The following FETUB variants were observed in gnomAD, a reference collection of about 807,000 sequenced individuals.
FETUB encodes fetuin B, also known as fetuin-B.
A neutral mutation model predicts 30.9 loss-of-function variants in FETUB; 28 were observed. The ratio of observed to expected loss-of-function variants is 0.90; its 90% confidence interval spans 0.67 to 1.24. The LOEUF (loss-of-function observed/expected upper bound fraction) is 1.24. Among genes scored for constraint, FETUB ranks in the 50% most tolerant of loss-of-function variants. FETUB has a pLI of 0.00. For synonymous variants in FETUB, 186 were observed against 175.9 expected, an observed-to-expected ratio of 1.06 and a Z score of -0.45; for missense variants, 469 against 455.3, an observed-to-expected ratio of 1.03 and a Z score of -0.27.
At chr3:186,643,356 C>T (rs1054793209) in intron 3 of FETUB, among the ~76,000 whole-genome samples, 2 of 152,130 alleles carry the variant, frequency 1.3e-5, no homozygotes, top group Non-Finnish European at 2.9e-5. Context: ...AAGGGAAGGT[C>T]TTTGGAAAGA....
At chr3:186,644,651 T>C in intron 3 of FETUB, 100 bp from the exon 4 acceptor site, 3 of 829,478 alleles carry the variant, frequency 3.6e-6, no homozygotes, top group Non-Finnish European at 5.7e-6. Flanking sequence ...CAGGGGTATA[T>C]TCCAGAGGTA....
At chr3:186,646,621 A>G (rs1271995367) in intron 5 of FETUB, among the ~76,000 whole-genome samples, 1 of 152,184 alleles carries the variant, frequency 6.6e-6, no homozygotes, top group African/African-American at 2.4e-5. Flanking sequence ...ACACAATCCA[A>G]TTACGTTTGT....
intron 4 of FETUB, 85 bp from the exon 5 acceptor site, chr3:186,646,163 C>A: frequency 1.1e-6 from 1 of 876,026 alleles, no homozygotes; most frequent in Non-Finnish European, 1.9e-6. Context: ...CATATTGTTT[C>A]TGTAGATATA....
chr3:186,650,598 A>AAT (rs1198440897), intron 5 of FETUB, among the ~76,000 whole-genome samples: 1 of 152,102 alleles, frequency 6.6e-6, no homozygotes, highest in African/African-American at 2.4e-5. Context: ...GTTATAAAGT[A>AAT]ATATATATAT....
chr3:186,647,472 T>C (rs1452867542), intron 5 of FETUB, among the ~76,000 whole-genome samples: 1 of 152,220 alleles, frequency 6.6e-6, no homozygotes, highest in African/African-American at 2.4e-5. Context: ...TATGAGGGTT[T>C]CAATTTCTCC....
chr3:186,647,855 A>G (rs1560025483), intron 5 of FETUB, among the ~76,000 whole-genome samples: 2 of 152,130 alleles, frequency 1.3e-5, no homozygotes, highest in Admixed American at 1.3e-4. Flanking sequence ...AGTTCTATTT[A>G]TATATATTTT....
rs778889689 is a variant in FETUB at position 186,644,764 on chromosome 3, G to T, written c.438G>T (p.Lys146Asn). ...NCTLRPVSKK[K>N]IYMTCPDCPS... Reference sequence around the variant, plus strand: ...TGGCATCAACAGTTTCAAAAAAAAAGATTTACATGACGTGCCCTGACTGCC... The same window carrying T: ...TGGCATCAACAGTTTCAAAAAAAAATATTTACATGACGTGCCCTGACTGCC... The change falls in exon 4 of 7, where the codon AAG becomes AAT. Residue 146 changes from lysine to asparagine, a missense_variant. Coordinates refer to ENST00000265029, the MANE Select transcript of FETUB (RefSeq NM_014375.3). 1.3e-6 allele frequency: 2 copies of T among 1,589,352 alleles called. No homozygotes were observed. The highest frequency in any genetic ancestry group is 1.4e-5 in the African/African-American group (1 of 73,098).
At chr3:186,637,813 T>C (rs1381394707), upstream of FETUB, among the ~76,000 whole-genome samples, 1 of 152,228 alleles carries the variant, frequency 6.6e-6, no homozygotes, top group Non-Finnish European at 1.5e-5. Flanking sequence ...CTAAGCACCT[T>C]TGCATACTTC....
At chr3:186,637,103 C>G (rs1351146513), upstream of FETUB, among the ~76,000 whole-genome samples, 1 of 152,152 alleles carries the variant, frequency 6.6e-6, no homozygotes, top group Non-Finnish European at 1.5e-5. Flanking sequence ...AATAGTGGCA[C>G]CTACAGGCCT....
Position 186,646,278 on chromosome 3 carries a change from T to C in FETUB, c.625T>C (p.Tyr209His). 1 of 1,613,982 alleles carries C rather than the reference T, an allele frequency of 6.2e-7. No individual in the cohort carries two copies. Among genetic ancestry groups the C allele is most frequent in the Non-Finnish European group, 8.5e-7 (1 of 1,179,848 alleles). Residue 209 changes from tyrosine to histidine, a missense_variant, in exon 5 of 7, where the codon TAC (tyrosine) becomes CAC (histidine). Physicochemically the swap from Tyr to His is moderately conservative, Grantham distance 83. Transcript: ENST00000265029. ...WVVGPSYFVE[Y>H]LIKESPCTKS... is the part of the protein sequence containing the mutation. Reference sequence around the variant, plus strand: ...GGTCGGCCCTTCTTACTTTGTGGAATACTTAATTAAAGAATCACCATGTAC... The same window carrying C: ...GGTCGGCCCTTCTTACTTTGTGGAACACTTAATTAAAGAATCACCATGTAC...
chr3:186,641,553 G>C (rs2108516610), intron 2 of FETUB: 1 of 154,130 alleles, frequency 6.5e-6, no homozygotes, highest in East Asian at 1.9e-4. Flanking sequence ...AAACTCCGAT[G>C]CCAGGTTTGA....
Position 186,652,909 on chromosome 3 carries a change from T to A in FETUB, c.*278T>A, listed in dbSNP as rs535180095. The A allele has an allele frequency of 4.4e-4, 146 of 334,144 alleles. No homozygotes were observed. The highest frequency in any genetic ancestry group is 7.2e-4 in the Non-Finnish European group (132 of 183,368). The allele number at this position is 334,144 out of a possible 1,614,324, so 20.7% of individuals were successfully genotyped here. On this transcript the variant is annotated 3_prime_UTR_variant, in exon 7 of 7. Transcript: ENST00000265029. Reference sequence around the variant, plus strand: ...ATGGAGAGATGCCTCTCTTATGTCTTCAGCCACTCACTTATAAAGATACTT... The same window carrying A: ...ATGGAGAGATGCCTCTCTTATGTCTACAGCCACTCACTTATAAAGATACTT...
chr3:186,641,953 C>A (rs1717091763), intron 2 of FETUB: 2 of 153,026 alleles, frequency 1.3e-5, no homozygotes, highest in Non-Finnish European at 2.9e-5. Context: ...TGTATACTCA[C>A]TCTAACATGA....
At chr3:186,640,883 T>C in intron 1 of FETUB, 147 bp from the exon 2 acceptor site, 1 of 670,924 alleles carries the variant, frequency 1.5e-6, no homozygotes, top group South Asian at 1.8e-5. Context: ...GTGATCCTAC[T>C]CTGACACTTG....
chr3:186,637,631 A>G (rs1716813770), upstream of FETUB, among the ~76,000 whole-genome samples: 1 of 152,170 alleles, frequency 6.6e-6, no homozygotes, highest in Non-Finnish European at 1.5e-5. Flanking sequence ...GTTTCTCCCA[A>G]CCTGGTTCAC....
rs1427493433 is a variant in FETUB at position 186,640,744 on chromosome 3, C to G, written c.225+59C>G. The stretch of plus-strand genomic sequence containing the variant: ...ATGTGGGCAAGCTGGAGAGACTGGC[C>G]AGGGTGAGGGAACCCAGAGACACCC... On this transcript the variant is annotated intron_variant, in intron 1 of 6. Transcript: ENST00000265029. The G allele has an allele frequency of 2.8e-6, 4 of 1,407,616 alleles. No homozygotes were observed. In the African/African-American group the frequency reaches 5.6e-5, roughly 20 times the overall value. 87.2% of individuals were successfully genotyped at this position (1,407,616 alleles called of 1,614,324 possible). A position where few individuals can be genotyped will look rare whatever the true frequency, so the allele number is the denominator to read the frequency against.
chr3:186,650,138 T>C lies in FETUB; in HGVS notation c.697-1080T>C, dbSNP rs187912231. ...GATAAATATACAAGTGCAGTTGTCT[T>C]TTTCTTATAGTAGTTTCTTTGTTGG... On this transcript the variant is annotated intron_variant, in intron 5 of 6. Coordinates refer to ENST00000265029, the MANE Select transcript of FETUB (RefSeq NM_014375.3). Among the ~76,000 whole-genome samples the C allele has an allele frequency of 1.4e-3, 170 of 120,776 alleles. 2 individuals carry two copies. Among genetic ancestry groups the C allele is most frequent in the African/African-American group, 5.1e-3 (163 of 32,184 alleles). 79.2% of individuals were successfully genotyped at this position (120,776 alleles called of 152,430 possible).
chr3:186,652,058 G>A (rs1718087766), intron 6 of FETUB, among the ~76,000 whole-genome samples: 1 of 152,156 alleles, frequency 6.6e-6, no homozygotes, highest in Non-Finnish European at 1.5e-5. Flanking sequence ...GAGACTTACA[G>A]TCTCACAGTC....
upstream of FETUB, among the ~76,000 whole-genome samples, chr3:186,638,568 G>A (rs572852701): frequency 2.6e-5 from 4 of 152,214 alleles, no homozygotes; most frequent in African/African-American, 4.8e-5. Flanking sequence ...ATACTCCACA[G>A]CCTAGGAGAA....
Sources: gnomAD v4.1 joint callset for allele counts (sites outside exome capture counted in the v4.1 genomes callset) on GRCh38, gnomAD v4.1.1 for gene constraint, MANE v1.5 for transcripts, NCBI Gene and HGNC (gene_info 2026-07-23, HGNC 2026-07-21) for gene names.